SLC5A11: variants seen among roughly 807,000 people sequenced by gnomAD.
SLC5A11 encodes sodium/myo-inositol cotransporter 2.
SLC5A11 carries 48 observed loss-of-function variants against 69.8 expected under a neutral mutation model. The ratio of observed to expected loss-of-function variants is 0.69; its 90% confidence interval spans 0.55 to 0.87. The LOEUF is 0.87. Among genes scored for constraint, SLC5A11 ranks in the 40% least tolerant of loss-of-function variants. SLC5A11 has a pLI of 0.00. For missense variants in SLC5A11, 784 were observed against 866.1 expected (o/e 0.91, Z 1.19); for synonymous variants, 319 against 342.4 (o/e 0.93, Z 0.75).
chr16:24,875,260 C>A (rs1027772994), intron 5 of SLC5A11, among the ~76,000 whole-genome samples: 1 of 152,178 alleles, frequency 6.6e-6, no homozygotes, highest in African/African-American at 2.4e-5. Flanking sequence ...CTCACTGCAC[C>A]CGCGACCTCC....
intron 15 of SLC5A11, among the ~76,000 whole-genome samples, 162 bp from the exon 17 acceptor site, chr16:24,911,166 C>CAA (rs59292009): frequency 0.043 from 2,795 of 65,718 alleles, 154 homozygotes; most frequent in African/African-American, 0.12. Context: ...GAGACTCTCT[C>CAA]AAAAAAAAAA....
exon 7 of SLC5A11, chr16:24,877,329 G>C: frequency 6.2e-7 from 1 of 1,614,020 alleles, no homozygotes; most frequent in Non-Finnish European, 8.5e-7. Context: ...CCATAGTTGG[G>C]CTACTGGCCA....
At chr16:24,856,597 CAA>C (rs35867622) in intron 1 of SLC5A11, among the ~76,000 whole-genome samples, 2,059 of 88,736 alleles carry the variant, frequency 0.023, 54 homozygotes, top group African/African-American at 0.079. Flanking sequence ...ACTAAAAATA[CAA>C]AAAAAAAAAA....
chr16:24,897,098 G>A (rs967472634), intron 9 of SLC5A11, among the ~76,000 whole-genome samples: 7 of 151,840 alleles, frequency 4.6e-5, no homozygotes, highest in Non-Finnish European at 8.8e-5. Flanking sequence ...GATTACAAGT[G>A]TGCGCCAATG....
intron 6 of SLC5A11, among the ~76,000 whole-genome samples, chr16:24,876,015 C>T (rs1170798823): frequency 4.6e-5 from 7 of 151,710 alleles, no homozygotes; most frequent in East Asian, 1.9e-4. Context: ...GCCAACATGG[C>T]GAAACCCCAT....
chr16:24,894,480 T>G (rs1351551403), intron 9 of SLC5A11, among the ~76,000 whole-genome samples: 1 of 152,284 alleles, frequency 6.6e-6, no homozygotes, highest in East Asian at 1.9e-4. Context: ...TAGCTCACTT[T>G]TTCCCCTGCA....
chr16:24,886,959 C>T (rs2048440289), intron 8 of SLC5A11, among the ~76,000 whole-genome samples: 1 of 151,996 alleles, frequency 6.6e-6, no homozygotes. Context: ...CAGGGTGAGA[C>T]TCTGTATATA....
chr16:24,889,179 ATG>A (rs978905988), intron 8 of SLC5A11, among the ~76,000 whole-genome samples: 4 of 152,152 alleles, frequency 2.6e-5, no homozygotes, highest in Non-Finnish European at 2.9e-5. Flanking sequence ...ATAATTAAGA[ATG>A]AGAAAAGAAA....
At chr16:24,876,794 A>G (rs274073) in intron 6 of SLC5A11, among the ~76,000 whole-genome samples, 119,050 of 152,156 alleles carry the variant, frequency 0.78, 47,679 homozygotes, top group Non-Finnish European at 0.86. Context: ...CACCAGCACA[A>G]GTGAAATCTG....
intron 3 of SLC5A11, among the ~76,000 whole-genome samples, chr16:24,863,114 A>C (rs1462750011): frequency 7.1e-6 from 1 of 140,932 alleles, no homozygotes; most frequent in African/African-American, 2.5e-5. Flanking sequence ...TATATAATAA[A>C]TATGTAAATA....
intron 8 of SLC5A11, 24 bp downstream of exon 9, chr16:24,884,155 G>A (rs2048239186): frequency 6.2e-7 from 1 of 1,610,110 alleles, no homozygotes; most frequent in East Asian, 2.2e-5. Flanking sequence ...CCGGGTCACT[G>A]GGGCGGACAA....
intron 14 of SLC5A11, 25 bp downstream of exon 15, chr16:24,909,121 C>T (rs1193619018): frequency 5.0e-6 from 8 of 1,605,190 alleles, no homozygotes; most frequent in Non-Finnish European, 6.8e-6. Flanking sequence ...ATGGCTAGAT[C>T]CGTTGAGACT....
At chr16:24,895,283 G>A (rs2049078100) in intron 9 of SLC5A11, among the ~76,000 whole-genome samples, 1 of 152,018 alleles carries the variant, frequency 6.6e-6, no homozygotes, top group Non-Finnish European at 1.5e-5. Context: ...AAGGTCAGGA[G>A]TTTGAGACCA....
intron 13 of SLC5A11, 142 bp downstream of exon 14, chr16:24,908,273 T>C (rs2152422535): frequency 1.1e-6 from 1 of 938,994 alleles, no homozygotes; most frequent in South Asian, 1.7e-5. Flanking sequence ...TGGTGGAAGA[T>C]ACAGGGAGGG....
intron 9 of SLC5A11, among the ~76,000 whole-genome samples, chr16:24,895,587 A>G: frequency 7.9e-6 from 1 of 125,956 alleles, no homozygotes; most frequent in Non-Finnish European, 1.7e-5. Context: ...GAGGGAAGGG[A>G]AAAGGAGGGG....
chr16:24,908,347 C>T (rs1458556444), intron 13 of SLC5A11, among the ~76,000 whole-genome samples: 1 of 151,908 alleles, frequency 6.6e-6, no homozygotes, highest in Non-Finnish European at 1.5e-5. Flanking sequence ...ACCTGTAATC[C>T]CAGCACTTTG....
At chr16:24,858,633 C>A in exon 2 of SLC5A11, 1 of 1,600,726 alleles carries the variant, frequency 6.2e-7, no homozygotes, top group Non-Finnish European at 8.5e-7. Flanking sequence ...CCAGAGGTCT[C>A]GTTCAGGACC....
chr16:24,868,136 C>CAAA (rs1209924410), intron 3 of SLC5A11, among the ~76,000 whole-genome samples: 1 of 89,370 alleles, frequency 1.1e-5, no homozygotes, highest in African/African-American at 3.9e-5. Context: ...GACTCCATTT[C>CAAA]AAAAAAAAAA....
intron 4 of SLC5A11, among the ~76,000 whole-genome samples, chr16:24,870,212 G>A (rs2047187506): frequency 6.6e-6 from 1 of 151,726 alleles, no homozygotes; most frequent in South Asian, 2.1e-4. Context: ...GGCCAACGTG[G>A]CGAAACCCCG....
Sources: gnomAD v4.1 joint callset for allele counts (sites outside exome capture counted in the v4.1 genomes callset) on GRCh38, gnomAD v4.1.1 for gene constraint, MANE v1.5 for transcripts, NCBI Gene and HGNC (gene_info 2026-07-23, HGNC 2026-07-21) for gene names.